Variants in C14orf132 observed in about 807,000 individuals in gnomAD.
C14orf132 encodes uncharacterized protein C14orf132.
In C14orf132, 6 loss-of-function variants were observed where a neutral mutation model predicts 5.8. That is an observed-to-expected ratio of 1.03 (90% CI 0.57 to 2.04). The LOEUF is 2.04. Among genes scored for constraint, C14orf132 ranks in the 30% most tolerant of loss-of-function variants. The pLI, the probability that C14orf132 is intolerant of heterozygous loss-of-function variation, is 0.00. For synonymous variants in C14orf132, 51 were observed against 49.8 expected (o/e 1.02, Z -0.10); for missense variants, 125 against 115.8 (o/e 1.08, Z -0.37).
rs371891135 is a variant in C14orf132, at chr14:96,090,124, G to A, written c.*3389G>A. On this transcript the variant is annotated 3_prime_UTR_variant, in exon 2 of 2. Coordinates refer to ENST00000555004, the MANE Select transcript of C14orf132 (RefSeq NM_001252507.3). ...TGATTCAAAAGAGCAACTTAGGCTG[G>A]GTGCAGTGACTCACACCCGTAATCC... 1.7e-4 allele frequency: 26 copies of A among 156,546 alleles called. No homozygotes were observed. The highest frequency in any genetic ancestry group is 5.7e-4 in the East Asian group (3 of 5,306). 9.7% of individuals were successfully genotyped at this position (156,546 alleles called of 1,614,324 possible).
chr14:96,076,593 C>A (rs1010174575), intron 1 of C14orf132, among the ~76,000 whole-genome samples: 1 of 150,396 alleles, frequency 6.6e-6, no homozygotes, highest in African/African-American at 2.5e-5. Flanking sequence ...ATGAAATACA[C>A]TAACACTAAT....
chr14:96,076,408 T>C (rs918205192), intron 1 of C14orf132, among the ~76,000 whole-genome samples: 4 of 152,214 alleles, frequency 2.6e-5, no homozygotes, highest in African/African-American at 9.7e-5. Flanking sequence ...GTTTCTGTTT[T>C]CAATTTTATT....
chr14:96,048,387 T>G (rs1886891330), intron 1 of C14orf132, among the ~76,000 whole-genome samples: 1 of 152,212 alleles, frequency 6.6e-6, no homozygotes, highest in African/African-American at 2.4e-5. Context: ...CTGATCTTTC[T>G]ACTATCTTCA....
intron 1 of C14orf132, among the ~76,000 whole-genome samples, chr14:96,047,880 G>A (rs1481027065): frequency 3.9e-5 from 6 of 152,030 alleles, no homozygotes; most frequent in East Asian, 1.9e-4. Flanking sequence ...ACTAACCTAC[G>A]TCGACACATC....
At chr14:96,049,542 G>C (rs1458338882) in intron 1 of C14orf132, among the ~76,000 whole-genome samples, 1 of 114,456 alleles carries the variant, frequency 8.7e-6, no homozygotes, top group Non-Finnish European at 1.9e-5. Context: ...ATATACATAC[G>C]TATATATATA....
chr14:96,084,282 G>T (rs542527186), intron 1 of C14orf132, among the ~76,000 whole-genome samples: 1 of 152,272 alleles, frequency 6.6e-6, no homozygotes, highest in East Asian at 1.9e-4. Flanking sequence ...GGCAGGGGTC[G>T]CGGGGGGATG....
intron 1 of C14orf132, among the ~76,000 whole-genome samples, chr14:96,068,441 G>A (rs893907784): frequency 6.6e-5 from 10 of 152,156 alleles, no homozygotes; most frequent in East Asian, 5.8e-4. Flanking sequence ...CTGCAGATTC[G>A]TGGGCGCTGA....
chr14:96,085,799 A>C (rs1396659556), intron 1 of C14orf132, among the ~76,000 whole-genome samples: 1 of 152,238 alleles, frequency 6.6e-6, no homozygotes, highest in Non-Finnish European at 1.5e-5. Context: ...TCATAGGAAA[A>C]GTGGAAATTG....
intron 1 of C14orf132, among the ~76,000 whole-genome samples, chr14:96,064,835 A>C (rs898798769): frequency 1.3e-5 from 2 of 152,156 alleles, no homozygotes; most frequent in African/African-American, 4.8e-5. Context: ...AAAATTAAAA[A>C]AATTAAAAAA....
chr14:96,082,833 G>T (rs1418536156), intron 1 of C14orf132, among the ~76,000 whole-genome samples: 1 of 152,196 alleles, frequency 6.6e-6, no homozygotes, highest in Non-Finnish European at 1.5e-5. Context: ...TCTTATACAT[G>T]ATCTTATTCA....
intron 1 of C14orf132, among the ~76,000 whole-genome samples, chr14:96,070,596 T>TCTCACACACACACACA (rs755530241): frequency 6.9e-4 from 99 of 142,656 alleles, no homozygotes; most frequent in African/African-American, 2.5e-3. Flanking sequence ...TCTCTCTCTC[T>TCTCACACACACACACA]CACACACACA....
chr14:96,069,419 A>T (rs1273700457), intron 1 of C14orf132, among the ~76,000 whole-genome samples: 2 of 151,760 alleles, frequency 1.3e-5, no homozygotes, highest in Non-Finnish European at 2.9e-5. Flanking sequence ...AGGCAATTTG[A>T]ATTTAGTTTC....
intron 1 of C14orf132, among the ~76,000 whole-genome samples, 191 bp from the exon 2 acceptor site, chr14:96,086,320 A>C (rs2139685130): frequency 6.6e-6 from 1 of 152,304 alleles, no homozygotes; most frequent in Non-Finnish European, 1.5e-5. Context: ...CTGCCTCAAA[A>C]GGCTGCTGTG....
chr14:96,064,393 C>CACACACACACACACACACAT (rs771778523), intron 1 of C14orf132, among the ~76,000 whole-genome samples: 1 of 146,334 alleles, frequency 6.8e-6, no homozygotes. Flanking sequence ...CACACACACA[C>CACACACACACACACACACAT]ATATACATAT....
At position 96,068,955 on chromosome 14, in the gene C14orf132, A is replaced by G. The variant is rs563762972; in HGVS notation, c.28-17556A>G. On this transcript the variant is annotated intron_variant, in intron 1 of 1. Coordinates refer to ENST00000555004, the MANE Select transcript of C14orf132 (RefSeq NM_001252507.3). ...AGGGAGAAGGAAAAAGGAATTCTCC[A>G]CTTTTATCTCCTGCCTGCCTGCTTC... Among the ~76,000 whole-genome samples the G allele has an allele frequency of 3.3e-5, 5 of 152,010 alleles. No homozygotes were observed. The East Asian group carries it at 9.7e-4, about 29-fold the overall frequency.
chr14:96,056,160 A>G (rs1444630345), intron 1 of C14orf132, among the ~76,000 whole-genome samples: 2 of 152,194 alleles, frequency 1.3e-5, no homozygotes, highest in African/African-American at 2.4e-5. Context: ...TGCTCCCCAG[A>G]GGGAACTTAT....
rs1888460543 is a variant in C14orf132, at chr14:96,092,862, C to T, written c.*6127C>T. ...CTGGAGACATTTTTGATTCTCACAG[C>T]TTGGTGGGGACTGCTATTGGTATCT... On this transcript the variant is annotated 3_prime_UTR_variant, in exon 2 of 2. Coordinates refer to ENST00000555004, the MANE Select transcript of C14orf132 (RefSeq NM_001252507.3). 1 of 152,312 alleles carries T rather than the reference C, an allele frequency of 6.6e-6. No individual in the cohort carries two copies. The highest frequency in any genetic ancestry group is 6.5e-5 in the Admixed American group (1 of 15,300). 9.4% of individuals were successfully genotyped at this position (152,312 alleles called of 1,614,324 possible).
At chr14:96,053,307 C>T (rs1336572374) in intron 1 of C14orf132, among the ~76,000 whole-genome samples, 1 of 152,212 alleles carries the variant, frequency 6.6e-6, no homozygotes, top group Non-Finnish European at 1.5e-5. Flanking sequence ...CGCTGGGGAA[C>T]AAGCACTAAA....
chr14:96,058,230 C>CCTCT (rs1410890438), intron 1 of C14orf132, among the ~76,000 whole-genome samples: 1 of 152,174 alleles, frequency 6.6e-6, no homozygotes, highest in African/African-American at 2.4e-5. Context: ...TCACTGTACA[C>CCTCT]CTCTGTCTGT....
Sources: allele counts gnomAD v4.1 joint callset (sites outside exome capture counted in the v4.1 genomes callset), GRCh38; gene constraint gnomAD v4.1.1; transcripts MANE v1.5; gene names NCBI Gene and HGNC (gene_info 2026-07-23, HGNC 2026-07-21).